RALYL: variants seen among roughly 807,000 people sequenced by gnomAD.
RALYL encodes the protein RNA-binding Raly-like protein.
In RALYL, 29 loss-of-function variants were observed where a neutral mutation model predicts 35.1. That is an observed-to-expected ratio of 0.83 (90% CI 0.61 to 1.13). The LOEUF (loss-of-function observed/expected upper bound fraction) is 1.13. Among genes scored for constraint, RALYL ranks in the 50% most tolerant of loss-of-function variants. The pLI, the probability that RALYL is intolerant of heterozygous loss-of-function variation, is 0.00. For synonymous variants in RALYL, 120 were observed against 127.6 expected, an observed-to-expected ratio of 0.94 and a Z score of 0.40; for missense variants, 359 against 360.4, an observed-to-expected ratio of 1.00 and a Z score of 0.03.
intron 1 of RALYL, among the ~76,000 whole-genome samples, chr8:84,337,369 TAG>T (rs1847991706): frequency 6.6e-6 from 1 of 151,858 alleles, no homozygotes; most frequent in Non-Finnish European, 1.5e-5. Context: ...AGTTTTTTAA[TAG>T]AGATACTGAA....
At chr8:84,766,702 G>A (rs1232440500) in intron 2 of RALYL, among the ~76,000 whole-genome samples, 3 of 108,518 alleles carry the variant, frequency 2.8e-5, no homozygotes, top group Non-Finnish European at 3.3e-5. Flanking sequence ...CCAGCCTGGC[G>A]ACAGAGTGAG....
intron 2 of RALYL, among the ~76,000 whole-genome samples, chr8:84,661,253 A>G (rs560096932): frequency 7.2e-5 from 11 of 152,184 alleles, no homozygotes; most frequent in Admixed American, 7.2e-4. Flanking sequence ...ATATAGAGGG[A>G]CCATAAATTA....
At chr8:84,513,873 A>G (rs2057826548) in intron 1 of RALYL, among the ~76,000 whole-genome samples, 1 of 152,034 alleles carries the variant, frequency 6.6e-6, no homozygotes, top group South Asian at 2.1e-4. Flanking sequence ...AGGCAGGTGG[A>G]TCACTTGAGG....
At chr8:84,527,216 C>T (rs991062309) in intron 1 of RALYL, among the ~76,000 whole-genome samples, 2 of 152,128 alleles carry the variant, frequency 1.3e-5, no homozygotes, top group African/African-American at 4.8e-5. Flanking sequence ...ATTAGAATTA[C>T]ACAGTTGTCA....
At chr8:84,414,781 A>C (rs1025093107) in intron 1 of RALYL, among the ~76,000 whole-genome samples, 1 of 152,142 alleles carries the variant, frequency 6.6e-6, no homozygotes, top group African/African-American at 2.4e-5. Flanking sequence ...CTCAATTATA[A>C]AAATATTGTT....
intron 2 of RALYL, among the ~76,000 whole-genome samples, chr8:84,618,236 G>C (rs183236408): frequency 1.7e-4 from 26 of 151,288 alleles, no homozygotes; most frequent in African/African-American, 5.9e-4. Context: ...ACTCTTTTTG[G>C]TTGGTAAGCT....
chr8:84,205,210 G>T (rs892885945), intron 1 of RALYL, among the ~76,000 whole-genome samples: 8 of 152,160 alleles, frequency 5.3e-5, no homozygotes, highest in African/African-American at 1.9e-4. Context: ...ATGGCCACAG[G>T]TACTGTTCTC....
At chr8:84,696,222 T>C (rs1261564692) in intron 2 of RALYL, among the ~76,000 whole-genome samples, 1 of 151,584 alleles carries the variant, frequency 6.6e-6, no homozygotes. Context: ...AAATGAGGGA[T>C]CATATGTTAA....
At chr8:84,453,391 G>C (rs2133232441) in intron 1 of RALYL, among the ~76,000 whole-genome samples, 1 of 152,046 alleles carries the variant, frequency 6.6e-6, no homozygotes, top group African/African-American at 2.4e-5. Flanking sequence ...TGTATATAAT[G>C]ATAGGAGAGA....
At chr8:84,823,235 C>T (rs1206883047) in intron 4 of RALYL, among the ~76,000 whole-genome samples, 1 of 151,858 alleles carries the variant, frequency 6.6e-6, no homozygotes, top group Non-Finnish European at 1.5e-5. Context: ...GCCAGGAAGC[C>T]CTAGACAAGA....
At chr8:84,647,515 G>T (rs1485312009) in intron 2 of RALYL, among the ~76,000 whole-genome samples, 1 of 151,984 alleles carries the variant, frequency 6.6e-6, no homozygotes, top group African/African-American at 2.4e-5. Context: ...ACATAATGTT[G>T]CAATTCATAA....
At chr8:84,374,800 A>T (rs990314846) in intron 1 of RALYL, among the ~76,000 whole-genome samples, 12 of 151,656 alleles carry the variant, frequency 7.9e-5, no homozygotes, top group African/African-American at 2.4e-4. Flanking sequence ...TGTACAACAA[A>T]CCTCCTTGAC....
intron 8 of RALYL, among the ~76,000 whole-genome samples, chr8:84,895,116 T>A (rs755738375): frequency 6.6e-6 from 1 of 152,192 alleles, no homozygotes; most frequent in Non-Finnish European, 1.5e-5. Context: ...ATCTGTTTGA[T>A]TTTGAATTTT....
At chr8:84,656,511 A>G (rs996871810) in intron 2 of RALYL, among the ~76,000 whole-genome samples, 1 of 152,152 alleles carries the variant, frequency 6.6e-6, no homozygotes, top group African/African-American at 2.4e-5. Context: ...AGATATTTGT[A>G]TTCTGATTTT....
intron 7 of RALYL, among the ~76,000 whole-genome samples, chr8:84,875,862 T>C (rs1274382337): frequency 6.6e-6 from 1 of 152,154 alleles, no homozygotes; most frequent in East Asian, 1.9e-4. Flanking sequence ...GCATTTACTC[T>C]TCATTATTAC....
chr8:84,880,328 T>A (rs1462178790), intron 7 of RALYL, among the ~76,000 whole-genome samples: 1 of 152,090 alleles, frequency 6.6e-6, no homozygotes, highest in Admixed American at 6.6e-5. Context: ...GAAACCTACC[T>A]GTAGTTTAGT....
intron 1 of RALYL, among the ~76,000 whole-genome samples, chr8:84,362,648 T>C (rs1256923420): frequency 1.3e-5 from 2 of 152,124 alleles, no homozygotes; most frequent in Non-Finnish European, 2.9e-5. Context: ...TTAATGATCA[T>C]CTGAGGTGAA....
chr8:84,590,209 C>G (rs533179887), intron 2 of RALYL, among the ~76,000 whole-genome samples: 2 of 152,152 alleles, frequency 1.3e-5, no homozygotes, highest in Non-Finnish European at 2.9e-5. Flanking sequence ...GGTTCCACCC[C>G]GCCCATGCCA....
chr8:84,367,318 A>AATTTTTTTTT lies in RALYL; in HGVS notation c.-23-161981_-23-161980insATTTTTTTTT, dbSNP rs1854572226. ...GCCATCCTGCCCAACTAATTTTTGT[A>AATTTTTTTTT]TTTTTTTTTTTTTTTTTTTTTTTTT... On this transcript the variant is annotated intron_variant, in intron 1 of 8. Coordinates refer to ENST00000521268, the MANE Select transcript of RALYL (RefSeq NM_173848.7). 7.3e-5 allele frequency among the ~76,000 whole-genome samples: 2 copies of AATTTTTTTTT among 27,400 alleles called. 1 individual carries two copies. The highest frequency in any genetic ancestry group is 2.0e-4 in the Non-Finnish European group (2 of 10,140). The allele number at this position is 27,400 out of a possible 152,430, so 18.0% of individuals were successfully genotyped here.
Sources: gnomAD v4.1 joint callset for allele counts (sites outside exome capture counted in the v4.1 genomes callset) on GRCh38, gnomAD v4.1.1 for gene constraint, MANE v1.5 for transcripts, NCBI Gene and HGNC (gene_info 2026-07-23, HGNC 2026-07-21) for gene names.